Variants in CEP162 observed in about 807,000 individuals in gnomAD.
The protein encoded by CEP162 is centrosomal protein 162, also known as centrosomal protein of 162 kDa.
In CEP162, 141 loss-of-function variants were observed where a neutral mutation model predicts 169.2. That is an observed-to-expected ratio of 0.83 (90% CI 0.73 to 0.96). The LOEUF is 0.96. CEP162 is among the 40% of genes least tolerant of loss of function. CEP162 has a pLI of 0.00. For missense variants in CEP162, 1,600 were observed against 1,587.2 expected, an observed-to-expected ratio of 1.01 and a Z score of -0.14; for synonymous variants, 540 against 526.4, an observed-to-expected ratio of 1.03 and a Z score of -0.35.
At chr6:84,125,731 T>C (rs1274280737) in intron 26 of CEP162, among the ~76,000 whole-genome samples, 11 of 152,106 alleles carry the variant, frequency 7.2e-5, no homozygotes, top group Admixed American at 7.2e-4. Flanking sequence ...ATCTGCAAGC[T>C]GGAAAGAGAG....
At position 84,155,384 on chromosome 6, in the gene CEP162, T is replaced by C. The variant is rs2099522775; in HGVS notation, c.2908A>G (p.Lys970Glu). The C allele has an allele frequency of 1.2e-6, 2 of 1,613,590 alleles. No homozygotes were observed. Among genetic ancestry groups the C allele is most frequent in the East Asian group, 2.2e-5 (1 of 44,862 alleles). ...NTVEFMEKRI[K>E]KLEADLEGKD... Reference sequence around the variant, plus strand: ...CCCTCCAGATCAGCTTCTAGCTTTTTTATCCTTTTCTCCATAAATTCCACT... The same window carrying C: ...CCCTCCAGATCAGCTTCTAGCTTTTCTATCCTTTTCTCCATAAATTCCACT... The change falls in exon 22 of 27, where the codon AAA (lysine) becomes GAA (glutamate). Residue 970 changes from lysine (K) to glutamate (E), a missense_variant. By Grantham distance (56) the Lys-to-Glu change is moderately conservative (BLOSUM62 1). Transcript: ENST00000403245.
rs780542574 is a variant in CEP162 at position 84,146,753 on chromosome 6, A to G, written c.3804T>C (p.Asn1268=). ...GAGACTCTTGTTTACTCTGCAGCTC[A>G]TTAACTTGACTTTGGAAATGTCTTA... ...VLIRHFQSQV[N]ELQSKQESLV... is the part of the protein sequence containing the mutation. The change falls in exon 25 of 27, where the codon AAT becomes AAC. Residue 1268 remains asparagine (N), a synonymous_variant. Coordinates refer to ENST00000403245, the MANE Select transcript of CEP162 (RefSeq NM_014895.4). The G allele has an allele frequency of 1.3e-6, 2 of 1,579,678 alleles. No individual in the cohort carries two copies. Among genetic ancestry groups the G allele is most frequent in the South Asian group, 2.3e-5 (2 of 85,830 alleles).
At chr6:84,215,525 A>T (rs2099551216) in intron 4 of CEP162, 60 bp from the exon 5 acceptor site, 3 of 1,324,926 alleles carry the variant, frequency 2.3e-6, no homozygotes, top group Non-Finnish European at 1.0e-6. Flanking sequence ...CATTGATTTG[A>T]ATGATGCATT....
intron 9 of CEP162, among the ~76,000 whole-genome samples, chr6:84,196,801 G>C (rs1170516579): frequency 2.0e-5 from 3 of 152,110 alleles, no homozygotes; most frequent in Non-Finnish European, 4.4e-5. Flanking sequence ...GTATAAGAAT[G>C]CCTTACAATG....
intron 15 of CEP162, 34 bp from the exon 16 acceptor site, chr6:84,174,222 G>C (rs2099531367): frequency 6.4e-7 from 1 of 1,562,202 alleles, no homozygotes; most frequent in Admixed American, 1.9e-5. Context: ...TTTATTTGGG[G>C]AAGGAAATGA....
intron 11 of CEP162, among the ~76,000 whole-genome samples, chr6:84,187,074 G>A (rs1012001846): frequency 6.6e-6 from 1 of 151,974 alleles, no homozygotes; most frequent in African/African-American, 2.4e-5. Context: ...TTGTATTAAG[G>A]AGGCATAGAG....
chr6:84,158,537 T>A (rs1278416371), intron 21 of CEP162, among the ~76,000 whole-genome samples: 1 of 152,180 alleles, frequency 6.6e-6, no homozygotes. Context: ...AATATAAATA[T>A]TTACACTTGT....
rs147608445 is a variant in CEP162 at position 84,161,346 on chromosome 6, T to A, written c.2676+400A>T. On this transcript the variant is annotated intron_variant, in intron 20 of 26. Coordinates refer to ENST00000403245, the MANE Select transcript of CEP162 (RefSeq NM_014895.4). Reference sequence around the variant, plus strand: ...ACGTCTTTTCTAGAGAGTAGATATTTGAGCCAAGAGGAACAAGGAGTACGA... The same window carrying A: ...ACGTCTTTTCTAGAGAGTAGATATTAGAGCCAAGAGGAACAAGGAGTACGA... Among the ~76,000 whole-genome samples the A allele has an allele frequency of 6.3e-3, 961 of 152,206 alleles. 5 individuals are homozygous for A. The highest frequency in any genetic ancestry group is 0.022 in the African/African-American group (918 of 41,512).
At chr6:84,177,605 G>A (rs141629449) in intron 13 of CEP162, among the ~76,000 whole-genome samples, 3 of 152,116 alleles carry the variant, frequency 2.0e-5, no homozygotes, top group African/African-American at 7.2e-5. Context: ...GTGCGATCTC[G>A]GCTCACTGCA....
intron 20 of CEP162, among the ~76,000 whole-genome samples, 166 bp downstream of exon 20, chr6:84,161,580 C>CA (rs749381519): frequency 2.2e-4 from 33 of 152,288 alleles, no homozygotes; most frequent in Non-Finnish European, 3.2e-4. Flanking sequence ...TATTTATTCT[C>CA]AGTCTAATTT....
intron 13 of CEP162, among the ~76,000 whole-genome samples, chr6:84,177,206 A>G (rs1400191140): frequency 1.3e-5 from 2 of 152,112 alleles, no homozygotes; most frequent in Admixed American, 6.5e-5. Flanking sequence ...TCATCTCCTC[A>G]TCCCCTTCCC....
In CEP162 at chr6:84,149,090, T is replaced by C. The variant is rs1588730515; in HGVS notation, c.3771+472A>G. ...GAGCAAGAGCTGTGTATCTCTCTTT[T>C]CATTATTTTATTCCAGTGCCTGATT... On this transcript the variant is annotated intron_variant, in intron 24 of 26. Coordinates refer to ENST00000403245, the MANE Select transcript of CEP162 (RefSeq NM_014895.4). 2.0e-5 allele frequency among the ~76,000 whole-genome samples: 3 copies of C among 152,280 alleles called. No homozygotes were observed. The South Asian group carries it at 6.2e-4, about 32-fold the overall frequency.
Position 84,169,371 on chromosome 6 carries a change from T to C in CEP162, c.2342A>G (p.Asn781Ser). Residue 781 changes from asparagine to serine, a missense_variant, in exon 18 of 27, where the codon AAT becomes AGT. By Grantham distance (46) the Asn-to-Ser change is conservative. Transcript: ENST00000403245. Reference sequence around the variant, plus strand: ...TGCTAACAGATCTGTAAAATTCTGATTTCTTGTGGGCTCTGAATCTTCAAC... The same window carrying C: ...TGCTAACAGATCTGTAAAATTCTGACTTCTTGTGGGCTCTGAATCTTCAAC... ...QVVEDSEPTR[N>S]QNFTDLLAEL... 1.3e-6 allele frequency: 2 copies of C among 1,584,706 alleles called. No homozygotes were observed. The highest frequency in any genetic ancestry group is 3.3e-4 in the Middle Eastern group (2 of 5,988).
At chr6:84,145,634 T>C (rs545216259) in intron 25 of CEP162, among the ~76,000 whole-genome samples, 2 of 152,188 alleles carry the variant, frequency 1.3e-5, no homozygotes, top group East Asian at 3.9e-4. Flanking sequence ...TTCTCCAAAC[T>C]AGTATTTCAA....
chr6:84,150,172 C>A (rs1008790479), intron 23 of CEP162, among the ~76,000 whole-genome samples: 1 of 152,088 alleles, frequency 6.6e-6, no homozygotes, highest in Admixed American at 6.6e-5. Context: ...GAGAATGAGA[C>A]AATCTTTATG....
At position 84,179,341 on chromosome 6, in the gene CEP162, A is replaced by G. The variant is rs1253128008; in HGVS notation, c.1664-3994T>C. On this transcript the variant is annotated intron_variant, in intron 13 of 26. Coordinates refer to ENST00000403245, the MANE Select transcript of CEP162 (RefSeq NM_014895.4). ...GCACCTGTTGTTTCCTGACTTTTTA[A>G]TGATCGCCATTCTAACTGGTGTGAG... is the stretch of plus-strand genomic sequence containing the variant. Among the ~76,000 whole-genome samples the G allele has an allele frequency of 2.6e-5, 4 of 152,136 alleles. No homozygotes were observed. In the East Asian group the frequency reaches 7.7e-4, roughly 29 times the overall value.
rs1012476847 is a variant in CEP162, at chr6:84,127,912, T to C, written c.3871-1400A>G. Among the ~76,000 whole-genome samples, 4 of 152,184 alleles carry C rather than the reference T, an allele frequency of 2.6e-5. 1 individual carries two copies. The highest frequency in any genetic ancestry group is 4.1e-4 in the South Asian group (2 of 4,834). On this transcript the variant is annotated intron_variant, in intron 25 of 26. Coordinates refer to ENST00000403245, the MANE Select transcript of CEP162 (RefSeq NM_014895.4). ...ATTCCTAAGGTGGCTGTGTTTGAAT[T>C]GAGTCTTAAAGGGTAAGTAGTAGTC...
chr6:84,154,245 G>C (rs1029691434), intron 22 of CEP162, among the ~76,000 whole-genome samples: 1 of 152,062 alleles, frequency 6.6e-6, no homozygotes, highest in Non-Finnish European at 1.5e-5. Context: ...GTCTTATTTA[G>C]TTGGTGGAAC....
chr6:84,160,784 C>T lies in CEP162; in HGVS notation c.2781+28G>A, dbSNP rs199535334. The stretch of plus-strand genomic sequence containing the variant: ...CAAAATGCACTATATATAAAATATG[C>T]TCATGAAAATTTACCCTGAACACAT... On this transcript the variant is annotated intron_variant, in intron 21 of 26. Transcript: ENST00000403245. 1.8e-4 allele frequency: 242 copies of T among 1,348,050 alleles called. No homozygotes were observed. In the African/African-American group the frequency reaches 2.8e-3, roughly 16 times the overall value. The allele number at this position is 1,348,050 out of a possible 1,614,324, so 83.5% of individuals were successfully genotyped here. A position where few individuals can be genotyped will look rare whatever the true frequency, so the allele number is the denominator to read the frequency against.
Sources: gnomAD v4.1 joint callset for allele counts (sites outside exome capture counted in the v4.1 genomes callset) on GRCh38, gnomAD v4.1.1 for gene constraint, MANE v1.5 for transcripts, NCBI Gene and HGNC (gene_info 2026-07-23, HGNC 2026-07-21) for gene names.